TMEM232: variants seen among roughly 807,000 people sequenced by gnomAD.
TMEM232 encodes transmembrane protein 232.
A neutral mutation model predicts 78.8 loss-of-function variants in TMEM232; 80 were observed. The ratio of observed to expected loss-of-function variants is 1.01; its 90% confidence interval spans 0.85 to 1.22. The LOEUF (loss-of-function observed/expected upper bound fraction) is 1.22. Ranked by LOEUF, TMEM232 falls within the 50% of genes most tolerant of loss-of-function variation. The probability of loss-of-function intolerance (pLI) is 0.00; values close to 1 mark genes in which losing one functional copy is unlikely to be tolerated. For missense variants in TMEM232, 881 were observed against 742.2 expected, an observed-to-expected ratio of 1.19 and a Z score of -2.17; for synonymous variants, 297 against 254.3, an observed-to-expected ratio of 1.17 and a Z score of -1.60.
intron 11 of TMEM232, among the ~76,000 whole-genome samples, chr5:110,559,592 C>T (rs572289863): frequency 6.6e-6 from 1 of 152,238 alleles, no homozygotes; most frequent in South Asian, 2.1e-4. Context: ...CTTCATTAGT[C>T]ACAAGTGAAT....
chr5:110,662,759 T>C (rs570892119), intron 2 of TMEM232, among the ~76,000 whole-genome samples: 3 of 152,160 alleles, frequency 2.0e-5, no homozygotes, highest in Non-Finnish European at 4.4e-5. Flanking sequence ...ATATGTCGTA[T>C]TGATGAATTG....
At chr5:110,656,982 G>A (rs1211899468) in intron 2 of TMEM232, among the ~76,000 whole-genome samples, 1 of 152,092 alleles carries the variant, frequency 6.6e-6, no homozygotes, top group Non-Finnish European at 1.5e-5. Flanking sequence ...ATGTTTCAAT[G>A]CATGTGTTCA....
At chr5:110,480,526 T>C (rs1763745451) in intron 12 of TMEM232, among the ~76,000 whole-genome samples, 1 of 152,068 alleles carries the variant, frequency 6.6e-6, no homozygotes, top group South Asian at 2.1e-4. Context: ...AAGAGATTGC[T>C]TGAGAAAGGA....
At chr5:110,698,637 C>T (rs1259103979) in intron 1 of TMEM232, among the ~76,000 whole-genome samples, 1 of 151,916 alleles carries the variant, frequency 6.6e-6, no homozygotes, top group Non-Finnish European at 1.5e-5. Context: ...TGGTGGGTTA[C>T]CTGGAATCCA....
chr5:110,637,298 GT>G (rs1236711527), intron 5 of TMEM232, among the ~76,000 whole-genome samples: 1 of 151,480 alleles, frequency 6.6e-6, no homozygotes. Flanking sequence ...GCAAAGCTCA[GT>G]TTTTTGCACG....
chr5:110,722,393 C>G (rs1425795345), intron 1 of TMEM232, among the ~76,000 whole-genome samples: 1 of 152,104 alleles, frequency 6.6e-6, no homozygotes, highest in African/African-American at 2.4e-5. Flanking sequence ...GTCAGTCAGT[C>G]AGCTAGTCAT....
chr5:110,692,764 C>A (rs1794287337), intron 1 of TMEM232, among the ~76,000 whole-genome samples: 1 of 152,180 alleles, frequency 6.6e-6, no homozygotes, highest in African/African-American at 2.4e-5. Context: ...GGGGTGCCTG[C>A]CATTGCCAAG....
At chr5:110,675,856 C>T (rs1430871107) in intron 1 of TMEM232, among the ~76,000 whole-genome samples, 1 of 152,150 alleles carries the variant, frequency 6.6e-6, no homozygotes, top group East Asian at 1.9e-4. Context: ...CCATGCTGTA[C>T]AACAGATCTC....
chr5:110,637,219 A>G (rs1323967792), intron 5 of TMEM232, among the ~76,000 whole-genome samples: 4 of 151,472 alleles, frequency 2.6e-5, no homozygotes, highest in African/African-American at 9.7e-5. Context: ...AAAAAAAATC[A>G]TCATAAGCTC....
At chr5:110,671,570 A>G (rs1257159800) in intron 1 of TMEM232, among the ~76,000 whole-genome samples, 5 of 152,192 alleles carry the variant, frequency 3.3e-5, no homozygotes. Context: ...ATGCAGACAT[A>G]AAAAGGATGA....
At chr5:110,632,463 CAGTT>C (rs981852480) in intron 5 of TMEM232, among the ~76,000 whole-genome samples, 17 of 151,692 alleles carry the variant, frequency 1.1e-4, no homozygotes, top group Non-Finnish European at 1.9e-4. Context: ...TAAAGAAACA[CAGTT>C]AGATACAAGA....
chr5:110,715,644 C>T (rs975400781), intron 1 of TMEM232, among the ~76,000 whole-genome samples: 1 of 152,138 alleles, frequency 6.6e-6, no homozygotes, highest in Non-Finnish European at 1.5e-5. Flanking sequence ...AAGCCCGCTT[C>T]GACCCTAACC....
At chr5:110,557,471 A>G (rs1327391411) in intron 11 of TMEM232, among the ~76,000 whole-genome samples, 1 of 152,200 alleles carries the variant, frequency 6.6e-6, no homozygotes, top group African/African-American at 2.4e-5. Flanking sequence ...TCATACTGCT[A>G]TAACGAAATA....
At chr5:110,633,951 G>C (rs1268929687) in intron 5 of TMEM232, among the ~76,000 whole-genome samples, 2 of 152,026 alleles carry the variant, frequency 1.3e-5, no homozygotes, top group East Asian at 3.9e-4. Flanking sequence ...CTGCCTATAA[G>C]AAATGCACCT....
At chr5:110,615,833 T>C (rs1782855236) in intron 8 of TMEM232, among the ~76,000 whole-genome samples, 1 of 151,878 alleles carries the variant, frequency 6.6e-6, no homozygotes, top group South Asian at 2.1e-4. Flanking sequence ...TTAAAATCAA[T>C]AGCACTGCTA....
At chr5:110,620,591 CT>C (rs1783524983) in intron 7 of TMEM232, among the ~76,000 whole-genome samples, 1 of 69,372 alleles carries the variant, frequency 1.4e-5, no homozygotes, top group Admixed American at 1.5e-4. Context: ...CTCTCTCTCT[CT>C]CTCTCTCTCT....
At chr5:110,446,910 A>G (rs1375870573) in intron 12 of TMEM232, among the ~76,000 whole-genome samples, 1 of 151,706 alleles carries the variant, frequency 6.6e-6, no homozygotes, top group African/African-American at 2.4e-5. Flanking sequence ...CAGAATCTAT[A>G]TGTTCTATGT....
At chr5:110,537,362 G>A (rs970236882) in intron 11 of TMEM232, among the ~76,000 whole-genome samples, 2 of 151,752 alleles carry the variant, frequency 1.3e-5, no homozygotes, top group African/African-American at 4.8e-5. Context: ...GCAGTCAATG[G>A]TAGCCTTAAT....
intron 12 of TMEM232, among the ~76,000 whole-genome samples, chr5:110,513,585 A>G (rs1241580256): frequency 1.3e-5 from 2 of 152,160 alleles, no homozygotes; most frequent in East Asian, 3.8e-4. Flanking sequence ...CAAGTATACG[A>G]AAATGTTCAC....
Sources: allele counts gnomAD v4.1 joint callset (sites outside exome capture counted in the v4.1 genomes callset), GRCh38; gene constraint gnomAD v4.1.1; transcripts MANE v1.5; gene names NCBI Gene and HGNC (gene_info 2026-07-23, HGNC 2026-07-21).